Variants in MACROD2 observed in about 807,000 individuals in gnomAD.
MACROD2 encodes the protein ADP-ribose glycohydrolase MACROD2.
MACROD2 carries 36 observed loss-of-function variants against 70.4 expected under a neutral mutation model. The ratio of observed to expected loss-of-function variants is 0.51; its 90% CI spans 0.39 to 0.68. The LOEUF is 0.68. MACROD2 is among the 30% of genes least tolerant of loss of function. The probability of loss-of-function intolerance (pLI) is 0.00; values close to 1 mark genes in which losing one functional copy is unlikely to be tolerated. For missense variants in MACROD2, 496 were observed against 538.4 expected (o/e 0.92, Z 0.78); for synonymous variants, 172 against 178.8 (o/e 0.96, Z 0.30).
intron 5 of MACROD2, among the ~76,000 whole-genome samples, chr20:15,218,340 A>C (rs2076828887): frequency 1.3e-5 from 2 of 152,204 alleles, no homozygotes; most frequent in South Asian, 4.1e-4. Flanking sequence ...ACAGTTTGCC[A>C]GTTCAACTCT....
At chr20:14,784,514 C>A (rs1490198580) in intron 5 of MACROD2, among the ~76,000 whole-genome samples, 1 of 152,044 alleles carries the variant, frequency 6.6e-6, no homozygotes, top group Non-Finnish European at 1.5e-5. Flanking sequence ...CTGTTTCTCA[C>A]TCAATTGTGA....
chr20:14,414,292 C>T (rs755822266), intron 3 of MACROD2, among the ~76,000 whole-genome samples: 1 of 152,174 alleles, frequency 6.6e-6, no homozygotes, highest in Non-Finnish European at 1.5e-5. Context: ...GGCAACTCCA[C>T]TCTTCCTGTC....
chr20:14,196,374 C>G (rs931023878), intron 3 of MACROD2, among the ~76,000 whole-genome samples: 1 of 152,234 alleles, frequency 6.6e-6, no homozygotes, highest in East Asian at 1.9e-4. Context: ...CTCCATTAGA[C>G]TGTCAGCCAT....
At chr20:15,007,389 A>ACC (rs1555772944) in intron 5 of MACROD2, among the ~76,000 whole-genome samples, 563 of 151,578 alleles carry the variant, frequency 3.7e-3, no homozygotes, top group Non-Finnish European at 6.1e-3. Flanking sequence ...CAAAAAAAAA[A>ACC]CACAAAAAAG....
chr20:15,049,059 C>T (rs2075418531), intron 5 of MACROD2, among the ~76,000 whole-genome samples: 1 of 151,556 alleles, frequency 6.6e-6, no homozygotes, highest in Non-Finnish European at 1.5e-5. Context: ...TATCACTTAA[C>T]ACAGCTTAAA....
chr20:16,008,150 T>C (rs2066814885), intron 15 of MACROD2, among the ~76,000 whole-genome samples: 2 of 152,148 alleles, frequency 1.3e-5, no homozygotes. Flanking sequence ...CAGAGGGAAC[T>C]GAAATGAACC....
chr20:14,303,243 T>G (rs76126804), intron 3 of MACROD2, among the ~76,000 whole-genome samples: 12 of 152,170 alleles, frequency 7.9e-5, no homozygotes, highest in African/African-American at 2.7e-4. Context: ...CCATTTCTTA[T>G]AGGAAATGCA....
At chr20:14,376,724 T>A (rs2083374413) in intron 3 of MACROD2, among the ~76,000 whole-genome samples, 1 of 150,668 alleles carries the variant, frequency 6.6e-6, no homozygotes, top group South Asian at 2.1e-4. Context: ...CACTCCAGCC[T>A]GGGTGACAGA....
intron 5 of MACROD2, among the ~76,000 whole-genome samples, chr20:15,202,289 G>A (rs1378245641): frequency 1.3e-5 from 2 of 152,072 alleles, no homozygotes; most frequent in South Asian, 2.1e-4. Flanking sequence ...TGCACCATTT[G>A]CATAACTACT....
At chr20:15,252,003 G>A (rs143608881) in intron 6 of MACROD2, among the ~76,000 whole-genome samples, 1 of 152,300 alleles carries the variant, frequency 6.6e-6, no homozygotes, top group African/African-American at 2.4e-5. Flanking sequence ...TGGTATCTGT[G>A]TGGCTCTAAC....
At chr20:15,143,960 C>T (rs199961309) in intron 5 of MACROD2, among the ~76,000 whole-genome samples, 1 of 66,356 alleles carries the variant, frequency 1.5e-5, no homozygotes, top group South Asian at 4.7e-4. Flanking sequence ...AAAAAAAAAT[C>T]GCAAAAAAAA....
At chr20:15,660,225 T>G (rs2049799536) in intron 8 of MACROD2, among the ~76,000 whole-genome samples, 1 of 152,084 alleles carries the variant, frequency 6.6e-6, no homozygotes, top group Admixed American at 6.5e-5. Flanking sequence ...TTCAAACCAG[T>G]TCACATCCAT....
intron 8 of MACROD2, among the ~76,000 whole-genome samples, chr20:15,561,399 G>T (rs1600592299): frequency 1.3e-5 from 2 of 152,278 alleles, no homozygotes; most frequent in Admixed American, 1.3e-4. Context: ...TTGTCATTTT[G>T]ACTACTCAAC....
At chr20:14,602,850 G>A (rs1982582569) in intron 4 of MACROD2, among the ~76,000 whole-genome samples, 1 of 152,148 alleles carries the variant, frequency 6.6e-6, no homozygotes, top group Non-Finnish European at 1.5e-5. Flanking sequence ...TGTCAAAATA[G>A]CCAAGGCCTT....
chr20:15,169,498 T>G (rs1051744023), intron 5 of MACROD2, among the ~76,000 whole-genome samples: 142 of 152,266 alleles, frequency 9.3e-4, no homozygotes, highest in African/African-American at 2.8e-3. Context: ...AGGAAGTAAC[T>G]GCACCAGCCA....
At chr20:15,703,259 A>G (rs921280231) in intron 8 of MACROD2, among the ~76,000 whole-genome samples, 3 of 152,230 alleles carry the variant, frequency 2.0e-5, no homozygotes, top group Non-Finnish European at 4.4e-5. Context: ...ACATTGTGAC[A>G]CCAAACCATG....
chr20:15,308,614 T>G (rs1397764877), intron 6 of MACROD2, among the ~76,000 whole-genome samples: 2 of 152,224 alleles, frequency 1.3e-5, no homozygotes, highest in Non-Finnish European at 2.9e-5. Flanking sequence ...TAATGGCTTA[T>G]GTATAGTTGA....
intron 6 of MACROD2, among the ~76,000 whole-genome samples, chr20:15,398,695 G>A (rs192697243): frequency 2.0e-4 from 31 of 152,244 alleles, no homozygotes; most frequent in East Asian, 1.7e-3. Flanking sequence ...TCTTTTTGCC[G>A]TCTTCATTGT....
chr20:15,385,710 G>C (rs947966506), intron 6 of MACROD2, among the ~76,000 whole-genome samples: 9 of 151,998 alleles, frequency 5.9e-5, no homozygotes, highest in Non-Finnish European at 1.0e-4. Flanking sequence ...GTTATTCTTG[G>C]TCTCTTTCCA....
Sources: gnomAD v4.1 joint callset for allele counts (sites outside exome capture counted in the v4.1 genomes callset) on GRCh38, gnomAD v4.1.1 for gene constraint, MANE v1.5 for transcripts, NCBI Gene and HGNC (gene_info 2026-07-23, HGNC 2026-07-21) for gene names.